Variants in DLGAP1 observed in about 807,000 individuals in gnomAD.
DLGAP1 encodes disks large-associated protein 1.
A neutral mutation model predicts 90.8 loss-of-function variants in DLGAP1; 11 were observed. That is an observed-to-expected ratio of 0.12 (90% confidence interval 0.08 to 0.20). DLGAP1 has a LOEUF of 0.20. Ranked by LOEUF, DLGAP1 falls within the 10% of genes least tolerant of loss-of-function variation. The pLI, the probability that DLGAP1 is intolerant of heterozygous loss-of-function variation, is 1.00. For missense variants in DLGAP1, 1,050 were observed against 1,333.8 expected (o/e 0.79, Z 3.31); for synonymous variants, 558 against 540.7 (o/e 1.03, Z -0.44).
At chr18:3,753,860 C>T (rs2063600451) in intron 5 of DLGAP1, among the ~76,000 whole-genome samples, 1 of 152,198 alleles carries the variant, frequency 6.6e-6, no homozygotes, top group African/African-American at 2.4e-5. Context: ...GGAAGCCAGG[C>T]TTAAAAATAC....
intron 9 of DLGAP1, among the ~76,000 whole-genome samples, chr18:3,557,284 G>T (rs184072263): frequency 6.6e-6 from 1 of 152,312 alleles, no homozygotes; most frequent in African/African-American, 2.4e-5. Flanking sequence ...CACTTTGGGA[G>T]GCTGAGGTTG....
At chr18:4,089,834 A>G (rs1391911732) in intron 2 of DLGAP1, among the ~76,000 whole-genome samples, 1 of 152,170 alleles carries the variant, frequency 6.6e-6, no homozygotes, top group Non-Finnish European at 1.5e-5. Flanking sequence ...TCACGAGGTC[A>G]GGAGATCGAG....
chr18:3,887,732 G>A lies in DLGAP1; in HGVS notation c.-72-7592C>T, dbSNP rs146322323. Among the ~76,000 whole-genome samples, 696 of 151,776 alleles carry A rather than the reference G, an allele frequency of 4.6e-3. 9 individuals are homozygous for A. The highest frequency in any genetic ancestry group is 0.015 in the African/African-American group (619 of 41,434). On this transcript the variant is annotated intron_variant, in intron 3 of 12. Transcript: ENST00000315677. ...GAGAATGATGAATGCCCAACAGGCT[G>A]ATGATTTTAAATTATTACTTTTTAA...
rs118120522 is a variant in DLGAP1, at chr18:4,059,062, C to A, written c.-158-53861G>T. 1.3e-3 allele frequency among the ~76,000 whole-genome samples: 205 copies of A among 152,254 alleles called. 3 individuals carry two copies. In the East Asian group the frequency reaches 0.028, roughly 21 times the overall value. On this transcript the variant is annotated intron_variant, in intron 2 of 12. Transcript: ENST00000315677. ...AGATGCAGGCAGGGTTAGGGGTACA[C>A]AGGTAAGGGCAGTGGTAAGACCAGT...
chr18:4,337,405 C>T (rs1257469905), intron 1 of DLGAP1, among the ~76,000 whole-genome samples: 1 of 151,816 alleles, frequency 6.6e-6, no homozygotes, highest in East Asian at 2.0e-4. Context: ...GCTGCTTAGG[C>T]TGGTCTGGAA....
chr18:4,327,215 A>G lies in DLGAP1; in HGVS notation c.-267+127791T>C, dbSNP rs78825836. Among the ~76,000 whole-genome samples, 1,267 of 152,194 alleles carry G rather than the reference A, an allele frequency of 8.3e-3. 23 individuals carry two copies. Among genetic ancestry groups the G allele is most frequent in the African/African-American group, 0.029 (1,207 of 41,552 alleles). On this transcript the variant is annotated intron_variant, in intron 1 of 12. Coordinates refer to ENST00000315677, the MANE Select transcript of DLGAP1 (RefSeq NM_004746.4). ...CAACTGCTAACATGGTAGATTTTAA[A>G]TGTTCTCATTACAAAGAAAAGATAG... is the stretch of plus-strand genomic sequence containing the variant.
At chr18:3,647,807 C>T (rs989412395) in intron 7 of DLGAP1, among the ~76,000 whole-genome samples, 3 of 152,090 alleles carry the variant, frequency 2.0e-5, no homozygotes, top group Non-Finnish European at 4.4e-5. Flanking sequence ...GTAGCATTAC[C>T]CCATTTTACA....
chr18:3,859,897 G>A (rs1349205680), intron 4 of DLGAP1, among the ~76,000 whole-genome samples: 1 of 151,950 alleles, frequency 6.6e-6, no homozygotes. Flanking sequence ...TCAGGAGATC[G>A]AGACCATCCT....
intron 7 of DLGAP1, chr18:3,655,879 C>A: frequency 2.0e-6 from 1 of 508,988 alleles, no homozygotes; most frequent in Non-Finnish European, 3.5e-6. Flanking sequence ...GCTGCCCTCT[C>A]AGGTCAGTGC....
intron 1 of DLGAP1, among the ~76,000 whole-genome samples, chr18:4,288,124 A>G (rs1212251181): frequency 6.6e-6 from 1 of 152,168 alleles, no homozygotes; most frequent in African/African-American, 2.4e-5. Flanking sequence ...CAGGTTAGTT[A>G]CATATGTATA....
At chr18:4,401,450 A>T (rs77767795) in intron 1 of DLGAP1, among the ~76,000 whole-genome samples, 3 of 151,968 alleles carry the variant, frequency 2.0e-5, no homozygotes, top group Non-Finnish European at 2.9e-5. Context: ...ATGAGAAAGT[A>T]TTTTTTTTCC....
chr18:3,603,235 A>G (rs1386262430), intron 7 of DLGAP1: 1 of 152,178 alleles, frequency 6.6e-6, no homozygotes, highest in African/African-American at 2.4e-5. Context: ...CTGCGAAGTA[A>G]TAAAACGGTT....
chr18:3,684,719 T>C (rs396242), intron 7 of DLGAP1, among the ~76,000 whole-genome samples: 21,452 of 151,976 alleles, frequency 0.14, 3,350 homozygotes, highest in African/African-American at 0.39. Flanking sequence ...AGGCAAAACC[T>C]GGGAGGGAGG....
At chr18:3,912,912 T>C (rs1011839351) in intron 3 of DLGAP1, among the ~76,000 whole-genome samples, 5 of 152,178 alleles carry the variant, frequency 3.3e-5, no homozygotes, top group Admixed American at 3.3e-4. Flanking sequence ...GGGAACTCTG[T>C]GTTTCCTGCT....
chr18:4,317,239 C>T (rs2080553880), intron 1 of DLGAP1, among the ~76,000 whole-genome samples: 1 of 152,176 alleles, frequency 6.6e-6, no homozygotes, highest in Non-Finnish European at 1.5e-5. Context: ...GACACCTATT[C>T]ATGTAGGGCC....
intron 1 of DLGAP1, among the ~76,000 whole-genome samples, chr18:4,395,215 C>T (rs1348454808): frequency 1.3e-5 from 2 of 152,050 alleles, no homozygotes; most frequent in Non-Finnish European, 2.9e-5. Context: ...TATTGACATA[C>T]AAAAGAAAAA....
At chr18:4,304,305 T>C (rs1316128288) in intron 1 of DLGAP1, among the ~76,000 whole-genome samples, 1 of 152,260 alleles carries the variant, frequency 6.6e-6, no homozygotes. Flanking sequence ...TTATGTTATG[T>C]ATACTAAACC....
At chr18:4,267,462 G>T (rs1309424168) in intron 1 of DLGAP1, among the ~76,000 whole-genome samples, 4 of 152,198 alleles carry the variant, frequency 2.6e-5, no homozygotes, top group Non-Finnish European at 4.4e-5. Context: ...TTAATGGGAA[G>T]TTTCTCCCCA....
At chr18:3,742,141 C>A (rs1184082587) in intron 6 of DLGAP1, among the ~76,000 whole-genome samples, 194 bp downstream of exon 6, 2 of 152,186 alleles carry the variant, frequency 1.3e-5, no homozygotes, top group Admixed American at 1.3e-4. Flanking sequence ...CACCTCCTGG[C>A]AGACCATTGA....
Sources: allele counts gnomAD v4.1 joint callset (sites outside exome capture counted in the v4.1 genomes callset), GRCh38; gene constraint gnomAD v4.1.1; transcripts MANE v1.5; gene names NCBI Gene and HGNC (gene_info 2026-07-23, HGNC 2026-07-21).